Variants in DAB1 observed in about 807,000 individuals in gnomAD.
The protein encoded by DAB1 is DAB adaptor protein 1.
A neutral mutation model predicts 64.6 loss-of-function variants in DAB1; 15 were observed. The observed-to-expected ratio is 0.23, with a 90% CI of 0.16 to 0.36. The LOEUF (loss-of-function observed/expected upper bound fraction) is 0.36, where lower values mean the gene tolerates loss of function less well. DAB1 is among the 10% of genes least tolerant of loss of function. DAB1 has a pLI of 1.00. For missense variants in DAB1, 596 were observed against 706.7 expected (o/e 0.84, Z 1.78); for synonymous variants, 235 against 251.9 (o/e 0.93, Z 0.64).
chr1:57,817,482 T>C (rs1456172427), intron 6 of DAB1, among the ~76,000 whole-genome samples: 3 of 152,236 alleles, frequency 2.0e-5, no homozygotes, highest in East Asian at 1.9e-4. Context: ...CTCTGGAAGA[T>C]ATTTTCTGTT....
chr1:58,390,979 G>A (rs779827206), intron 3 of DAB1, among the ~76,000 whole-genome samples: 30 of 152,114 alleles, frequency 2.0e-4, no homozygotes, highest in African/African-American at 2.2e-4. Context: ...TTATAATAAC[G>A]CATTCGTCAT....
At position 57,377,599 on chromosome 1, in the gene DAB1, T is replaced by G. The variant is rs1470184478; in HGVS notation, c.-137+46331A>C. Among the ~76,000 whole-genome samples the G allele has an allele frequency of 2.6e-5, 4 of 152,166 alleles. No individual in the cohort carries two copies. In the East Asian group the frequency reaches 5.8e-4, roughly 22 times the overall value. ...TCAAACAGAACTACAAATTAGGCAATGCAGAGGACTTTTTCCAGTTAAGTC... is the reference window on the plus strand; with the variant it reads ...TCAAACAGAACTACAAATTAGGCAAGGCAGAGGACTTTTTCCAGTTAAGTC... On this transcript the variant is annotated intron_variant, in intron 1 of 14. Transcript: ENST00000371236.
intron 4 of DAB1, among the ~76,000 whole-genome samples, chr1:58,208,589 C>A (rs1658399300): frequency 6.6e-6 from 1 of 152,172 alleles, no homozygotes; most frequent in Non-Finnish European, 1.5e-5. Context: ...TAATGGTCTG[C>A]AACTCCATCC....
At chr1:58,053,439 A>C (rs2100533376) in intron 5 of DAB1, among the ~76,000 whole-genome samples, 1 of 152,272 alleles carries the variant, frequency 6.6e-6, no homozygotes, top group East Asian at 1.9e-4. Context: ...GGGGAGTGCC[A>C]GCCTCTTTTT....
In DAB1 at chr1:57,555,504, T is replaced by A. The variant is rs571941284; in HGVS notation, n.625+94088A>T. Among the ~76,000 whole-genome samples the A allele has an allele frequency of 6.6e-5, 10 of 151,996 alleles. No homozygotes were observed. In the South Asian group the frequency reaches 2.1e-3, roughly 32 times the overall value. ...ATACGAAATCACGTCTGAATAAGTC[T>A]ATGGAGTTTACACAGGTCGTGTAAA... On this transcript the variant is annotated intron_variant and non_coding_transcript_variant, in intron 7 of 20. Transcript: ENST00000485760.
At chr1:58,400,174 C>T (rs553726865) in intron 3 of DAB1, among the ~76,000 whole-genome samples, 126 of 151,726 alleles carry the variant, frequency 8.3e-4, no homozygotes, top group African/African-American at 3.0e-3. Flanking sequence ...CTCTGCATCT[C>T]GTTTCTCTCA....
intron 7 of DAB1, among the ~76,000 whole-genome samples, chr1:57,517,511 T>TG (rs774075972): frequency 2.0e-5 from 3 of 152,050 alleles, no homozygotes; most frequent in African/African-American, 7.2e-5. Flanking sequence ...AGGTGAAAGG[T>TG]GGGGGAAAAG....
At chr1:58,057,741 T>C (rs1235331066) in intron 5 of DAB1, among the ~76,000 whole-genome samples, 2 of 152,192 alleles carry the variant, frequency 1.3e-5, no homozygotes, top group African/African-American at 4.8e-5. Flanking sequence ...TGTCTTAAGC[T>C]ACCCCAGTTT....
chr1:58,228,896 C>A, intron 4 of DAB1: 2 of 551,570 alleles, frequency 3.6e-6, no homozygotes, highest in Non-Finnish European at 3.5e-6. Flanking sequence ...GGCAACCTAA[C>A]AACAGCTGTA....
chr1:57,368,847 C>T (rs1432991038), intron 1 of DAB1, among the ~76,000 whole-genome samples: 1 of 152,018 alleles, frequency 6.6e-6, no homozygotes, highest in East Asian at 1.9e-4. Flanking sequence ...ATAAAAATAC[C>T]ATACTCCTGC....
At chr1:57,743,419 C>T (rs547689187) in intron 6 of DAB1, among the ~76,000 whole-genome samples, 1 of 152,350 alleles carries the variant, frequency 6.6e-6, no homozygotes, top group East Asian at 1.9e-4. Flanking sequence ...CACCTATCCC[C>T]AAACCTATAA....
chr1:57,384,762 G>A (rs1681668947), intron 1 of DAB1, among the ~76,000 whole-genome samples: 1 of 152,056 alleles, frequency 6.6e-6, no homozygotes, highest in Non-Finnish European at 1.5e-5. Context: ...TTGTTTAAAG[G>A]GTACAGAGTT....
intron 6 of DAB1, among the ~76,000 whole-genome samples, chr1:57,817,243 A>C (rs867450159): frequency 6.6e-6 from 1 of 152,358 alleles, no homozygotes; most frequent in South Asian, 2.1e-4. Context: ...GCTTGGCATT[A>C]AGATGGGTCA....
chr1:57,704,725 G>A (rs1167121712), intron 6 of DAB1, among the ~76,000 whole-genome samples: 1 of 152,144 alleles, frequency 6.6e-6, no homozygotes, highest in Non-Finnish European at 1.5e-5. Context: ...AATTTTGTAT[G>A]TATCTGACAA....
chr1:57,481,388 CTT>C (rs1289691157), intron 7 of DAB1, among the ~76,000 whole-genome samples: 1 of 152,156 alleles, frequency 6.6e-6, no homozygotes, highest in East Asian at 1.9e-4. Flanking sequence ...CTTGGCTTCT[CTT>C]GTTTGTTTAC....
chr1:57,268,460 C>T (rs1272750747), intron 2 of DAB1, among the ~76,000 whole-genome samples: 2 of 152,076 alleles, frequency 1.3e-5, no homozygotes, highest in Non-Finnish European at 2.9e-5. Flanking sequence ...TTTAAAAGTC[C>T]CAGAATGATA....
chr1:57,703,348 A>G (rs1301603812), intron 6 of DAB1, among the ~76,000 whole-genome samples: 1 of 152,188 alleles, frequency 6.6e-6, no homozygotes, highest in Admixed American at 6.6e-5. Context: ...ACAAGAAAAA[A>G]AAGATCTTAT....
chr1:57,017,633 A>T (rs902758495), intron 11 of DAB1, among the ~76,000 whole-genome samples: 1 of 152,202 alleles, frequency 6.6e-6, no homozygotes, highest in Non-Finnish European at 1.5e-5. Flanking sequence ...CTTGCTGATT[A>T]ATCTCGCAGT....
At chr1:57,493,846 C>A (rs918710264) in intron 7 of DAB1, among the ~76,000 whole-genome samples, 2 of 152,178 alleles carry the variant, frequency 1.3e-5, no homozygotes, top group African/African-American at 4.8e-5. Flanking sequence ...GAGCCAATCT[C>A]AAACTTCACC....
Sources: allele counts gnomAD v4.1 joint callset (sites outside exome capture counted in the v4.1 genomes callset), GRCh38; gene constraint gnomAD v4.1.1; transcripts MANE v1.5; gene names NCBI Gene and HGNC (gene_info 2026-07-23, HGNC 2026-07-21).